The following XRCC5 variants were observed in gnomAD, a reference collection of about 807,000 sequenced individuals.
The protein encoded by XRCC5 is X-ray repair cross complementing 5.
A neutral mutation model predicts 95.7 loss-of-function variants in XRCC5; 12 were observed. That is an observed-to-expected ratio of 0.13 (90% CI 0.08 to 0.20). The LOEUF is 0.20. Among genes scored for constraint, XRCC5 ranks in the 10% least tolerant of loss-of-function variants. The pLI is 1.00. For synonymous variants in XRCC5, 281 were observed against 290.3 expected (o/e 0.97, Z 0.33); for missense variants, 595 against 873.9 (o/e 0.68, Z 4.02).
intron 14 of XRCC5, among the ~76,000 whole-genome samples, chr2:216,154,457 G>A (rs184708840): frequency 3.9e-5 from 6 of 152,246 alleles, no homozygotes; most frequent in East Asian, 1.9e-4. Context: ...TAATAGCATC[G>A]CCCACTGCCA....
chr2:216,159,097 A>G (rs551218080), intron 14 of XRCC5, among the ~76,000 whole-genome samples: 1 of 152,314 alleles, frequency 6.6e-6, no homozygotes, highest in African/African-American at 2.4e-5. Context: ...ATATTTTAAA[A>G]CATTTTGTAC....
intron 10 of XRCC5, among the ~76,000 whole-genome samples, chr2:216,132,629 G>A (rs1697012695): frequency 6.6e-6 from 1 of 152,178 alleles, no homozygotes; most frequent in Admixed American, 6.5e-5. Context: ...ACTGCATTTA[G>A]GAATGGGAAT....
At chr2:216,143,439 A>C (rs565878671) in intron 13 of XRCC5, among the ~76,000 whole-genome samples, 68 of 152,184 alleles carry the variant, frequency 4.5e-4, no homozygotes, top group Non-Finnish European at 7.6e-4. Flanking sequence ...TATTTTGCAC[A>C]CTTATCTACA....
chr2:216,151,138 T>A (rs1688736750), intron 14 of XRCC5, among the ~76,000 whole-genome samples: 1 of 152,148 alleles, frequency 6.6e-6, no homozygotes, highest in African/African-American at 2.4e-5. Context: ...TTTGAGAAGA[T>A]CTGATATTTG....
rs904501965 is a variant in XRCC5, at chr2:216,205,090, C to A, written c.2185-98C>A. ...AAATGAGCAAGTACATGCATGCCTT[C>A]CAATGTAGAGTCATTTTCATTAAAC... On this transcript the variant is annotated intron_variant, in intron 20 of 20. Transcript: ENST00000392132. The A allele has an allele frequency of 1.5e-5, 22 of 1,443,848 alleles. No individual in the cohort carries two copies. The African/African-American group carries it at 3.1e-4, about 20-fold the overall frequency. The allele number at this position is 1,443,848 out of a possible 1,614,324, so 89.4% of individuals were successfully genotyped here. A position where few individuals can be genotyped will look rare whatever the true frequency, so the allele number is the denominator to read the frequency against.
chr2:216,170,037 CAAAAAAAAAAAAAA>C (rs71047982), intron 16 of XRCC5, among the ~76,000 whole-genome samples: 30 of 53,656 alleles, frequency 5.6e-4, no homozygotes, highest in East Asian at 1.1e-3. Flanking sequence ...GACTGTGTCT[CAAAAAAAAAAAAAA>C]AAAAAAAAAA....
chr2:216,139,713 G>A (rs1390507035), intron 12 of XRCC5, among the ~76,000 whole-genome samples: 1 of 152,130 alleles, frequency 6.6e-6, no homozygotes, highest in Non-Finnish European at 1.5e-5. Flanking sequence ...TCACTATGTT[G>A]TTGTGGCTGG....
intron 14 of XRCC5, among the ~76,000 whole-genome samples, chr2:216,154,078 A>G (rs1352895402): frequency 2.6e-5 from 4 of 152,190 alleles, no homozygotes; most frequent in Non-Finnish European, 5.9e-5. Context: ...CTCAAATCTA[A>G]CGCTTTCACT....
intron 16 of XRCC5, among the ~76,000 whole-genome samples, chr2:216,187,970 A>G (rs1178392012): frequency 6.6e-6 from 1 of 150,554 alleles, no homozygotes; most frequent in Non-Finnish European, 1.5e-5. Context: ...TTTCTTCTAC[A>G]CTTTCTAAGG....
chr2:216,197,448 GAAA>G (rs369842827), intron 19 of XRCC5, among the ~76,000 whole-genome samples: 33 of 110,332 alleles, frequency 3.0e-4, no homozygotes, highest in African/African-American at 1.0e-3. Flanking sequence ...TCTGTCCCAG[GAAA>G]AAAAAAAAAA....
chr2:216,187,522 T>TGTG (rs1027363536), intron 16 of XRCC5, among the ~76,000 whole-genome samples: 1 of 110,758 alleles, frequency 9.0e-6, no homozygotes, highest in Non-Finnish European at 1.9e-5. Context: ...GTGTGTGTGT[T>TGTG]CTATCATATT....
chr2:216,152,018 A>G (rs1239236172), intron 14 of XRCC5, among the ~76,000 whole-genome samples: 1 of 152,186 alleles, frequency 6.6e-6, no homozygotes, highest in East Asian at 1.9e-4. Context: ...AAACTACCTT[A>G]TATAAAACCA....
intron 20 of XRCC5, among the ~76,000 whole-genome samples, chr2:216,204,666 G>C (rs56072292): frequency 3.8e-4 from 58 of 152,258 alleles, no homozygotes; most frequent in African/African-American, 1.3e-3. Context: ...AGCTAGGGAG[G>C]CTATTCCATT....
Position 216,204,462 on chromosome 2 carries a change from CA to C in XRCC5, c.2184+69del, listed in dbSNP as rs1224465909. 2.6e-6 allele frequency: 4 copies of C among 1,543,562 alleles called. No homozygotes were observed. In the African/African-American group the frequency reaches 5.5e-5, roughly 21 times the overall value. On this transcript the variant is annotated intron_variant, in intron 20 of 20. Coordinates refer to ENST00000392132, the MANE Select transcript of XRCC5 (RefSeq NM_021141.4). ...GTCACCTGAGCTGTAAATACAGCCACAAAGGCTGATTATCTTACACTTGTTG... is the reference window on the plus strand; with the variant it reads ...GTCACCTGAGCTGTAAATACAGCCACAAGGCTGATTATCTTACACTTGTTG...
At position 216,109,596 on chromosome 2, in the gene XRCC5, G is replaced by A. The variant is rs191876490; in HGVS notation, c.21+139G>A. 4 of 1,315,210 alleles carry A rather than the reference G, an allele frequency of 3.0e-6. No individual in the cohort carries two copies. The East Asian group carries it at 1.1e-4, about 35-fold the overall frequency. The allele number at this position is 1,315,210 out of a possible 1,614,324, so 81.5% of individuals were successfully genotyped here. A position where few individuals can be genotyped will look rare whatever the true frequency, so the allele number is the denominator to read the frequency against. On this transcript the variant is annotated intron_variant, in intron 1 of 20. Transcript: ENST00000392132. The stretch of plus-strand genomic sequence containing the variant: ...TCATGGTGGTGGGCTCAGTCAGGAG[G>A]GCCGGGACCGAGGGATGCGCTATGA...
intron 19 of XRCC5, among the ~76,000 whole-genome samples, chr2:216,203,550 T>C (rs1689883360): frequency 6.6e-6 from 1 of 152,230 alleles, no homozygotes; most frequent in Non-Finnish European, 1.5e-5. Context: ...CTCACTACCC[T>C]TTTAAAATCT....
intron 16 of XRCC5, among the ~76,000 whole-genome samples, chr2:216,173,028 T>A (rs1689200054): frequency 6.6e-6 from 1 of 152,134 alleles, no homozygotes; most frequent in Non-Finnish European, 1.5e-5. Context: ...TTTAATTTTA[T>A]TTTTGGATTA....
intron 6 of XRCC5, among the ~76,000 whole-genome samples, chr2:216,123,939 C>G (rs913385155): frequency 3.9e-4 from 59 of 152,196 alleles, no homozygotes; most frequent in African/African-American, 1.3e-3. Flanking sequence ...TTCGACGCTA[C>G]TTTGATTTTA....
At chr2:216,149,537 A>T (rs1031982196) in intron 14 of XRCC5, among the ~76,000 whole-genome samples, 1 of 152,176 alleles carries the variant, frequency 6.6e-6, no homozygotes, top group Non-Finnish European at 1.5e-5. Flanking sequence ...AAAACAGTTC[A>T]ATAAAAGTCT....
Sources: gnomAD v4.1 joint callset for allele counts (sites outside exome capture counted in the v4.1 genomes callset) on GRCh38, gnomAD v4.1.1 for gene constraint, MANE v1.5 for transcripts, NCBI Gene and HGNC (gene_info 2026-07-23, HGNC 2026-07-21) for gene names.